NEK11: variants seen among roughly 807,000 people sequenced by gnomAD.
The protein encoded by NEK11 is NIMA related kinase 11.
Under a neutral mutation model 80.7 loss-of-function variants are expected in NEK11, and 72 were observed. The observed-to-expected ratio is 0.89, with a 90% confidence interval of 0.74 to 1.08. The LOEUF (loss-of-function observed/expected upper bound fraction) is 1.08, where lower values mean the gene tolerates loss of function less well. Among genes scored for constraint, NEK11 ranks in the 50% least tolerant of loss-of-function variants. NEK11 has a pLI of 0.00. For synonymous variants in NEK11, 251 were observed against 260.7 expected (o/e 0.96, Z 0.36); for missense variants, 764 against 763.6 (o/e 1.00, Z -0.01).
At chr3:131,249,191 T>C (rs2095657330) in intron 16 of NEK11, among the ~76,000 whole-genome samples, 1 of 152,032 alleles carries the variant, frequency 6.6e-6, no homozygotes. Flanking sequence ...GAGAAAGATA[T>C]AAAGCAGATA....
intron 14 of NEK11, among the ~76,000 whole-genome samples, chr3:131,207,532 G>A (rs1018908444): frequency 6.6e-6 from 1 of 152,116 alleles, no homozygotes; most frequent in Non-Finnish European, 1.5e-5. Flanking sequence ...GCAGTGAGCC[G>A]AGCCTGGGTG....
chr3:131,162,315 C>T, intron 10 of NEK11, 93 bp from the exon 11 acceptor site: 1 of 1,471,416 alleles, frequency 6.8e-7, no homozygotes, highest in Non-Finnish European at 9.2e-7. Context: ...CTTTTGCTCT[C>T]AGTAGTGTAG....
At chr3:131,232,344 G>A (rs1006868366) in intron 15 of NEK11, among the ~76,000 whole-genome samples, 26 of 152,328 alleles carry the variant, frequency 1.7e-4, no homozygotes, top group Non-Finnish European at 3.2e-4. Flanking sequence ...AGACTCTTCT[G>A]TCTTTCCTTT....
chr3:131,162,654 A>G (rs916464163), intron 11 of NEK11, 127 bp downstream of exon 11: 1 of 1,061,524 alleles, frequency 9.4e-7, no homozygotes, highest in African/African-American at 1.6e-5. Flanking sequence ...TTATGTGTTT[A>G]TTCATTCACT....
chr3:131,342,285 A>C (rs1359551265), intron 17 of NEK11, among the ~76,000 whole-genome samples: 2 of 152,208 alleles, frequency 1.3e-5, no homozygotes, highest in East Asian at 3.8e-4. Flanking sequence ...ATGTATCCTT[A>C]ATGAAGATTC....
intron 3 of NEK11, among the ~76,000 whole-genome samples, chr3:131,079,108 A>T (rs1453199233): frequency 6.6e-6 from 1 of 152,154 alleles, no homozygotes; most frequent in Admixed American, 6.6e-5. Context: ...CCTAGCAGAG[A>T]TAACTTTCAC....
At chr3:131,095,664 A>C (rs1470243278) in intron 4 of NEK11, among the ~76,000 whole-genome samples, 1 of 152,204 alleles carries the variant, frequency 6.6e-6, no homozygotes, top group African/African-American at 2.4e-5. Flanking sequence ...ATGGTTCAGC[A>C]ACACTTATTA....
intron 14 of NEK11, among the ~76,000 whole-genome samples, chr3:131,219,149 C>A (rs555499313): frequency 1.3e-3 from 204 of 152,180 alleles, no homozygotes; most frequent in Middle Eastern, 3.4e-3. Context: ...AACCCAAATG[C>A]CCAAAAATGA....
At chr3:131,162,719 A>G (rs1240939131) in intron 11 of NEK11, among the ~76,000 whole-genome samples, 192 bp downstream of exon 11, 1 of 152,254 alleles carries the variant, frequency 6.6e-6, no homozygotes, top group Admixed American at 6.5e-5. Flanking sequence ...TGCTATTAAT[A>G]TCAGGCTTTC....
intron 16 of NEK11, among the ~76,000 whole-genome samples, chr3:131,253,478 GA>G (rs1369477321): frequency 1.3e-5 from 2 of 152,164 alleles, no homozygotes; most frequent in Non-Finnish European, 2.9e-5. Context: ...CTATTTTACT[GA>G]GGGCAGATAC....
At chr3:131,342,499 T>C (rs1431176853) in intron 17 of NEK11, among the ~76,000 whole-genome samples, 3 of 151,754 alleles carry the variant, frequency 2.0e-5, no homozygotes, top group Admixed American at 1.3e-4. Context: ...TGATTATTTC[T>C]AAGAAATTAC....
At chr3:131,183,010 G>A (rs1007222360) in intron 14 of NEK11, among the ~76,000 whole-genome samples, 12 of 152,102 alleles carry the variant, frequency 7.9e-5, no homozygotes, top group Non-Finnish European at 1.8e-4. Context: ...TGAGCATATG[G>A]TGTCTAGTCA....
chr3:131,067,049 A>AATC (rs2072167636), intron 3 of NEK11, among the ~76,000 whole-genome samples: 1 of 152,136 alleles, frequency 6.6e-6, no homozygotes. Context: ...CTATTGCCAT[A>AATC]ATCATCACCA....
At chr3:131,112,349 C>G (rs2080269566) in intron 5 of NEK11, among the ~76,000 whole-genome samples, 1 of 152,010 alleles carries the variant, frequency 6.6e-6, no homozygotes. Context: ...TGCATGACTA[C>G]ATTTATATGA....
chr3:131,070,095 T>G (rs2072992072), intron 3 of NEK11, among the ~76,000 whole-genome samples: 1 of 152,186 alleles, frequency 6.6e-6, no homozygotes, highest in South Asian at 2.1e-4. Flanking sequence ...CTAACCAAAT[T>G]ATCTGTGGTA....
chr3:131,050,041 C>T (rs1203747280), intron 3 of NEK11, among the ~76,000 whole-genome samples: 3 of 152,216 alleles, frequency 2.0e-5, no homozygotes, highest in East Asian at 3.9e-4. Flanking sequence ...ACTACCCATG[C>T]CTTTGCAGTG....
At chr3:131,211,906 A>T (rs530156178) in intron 14 of NEK11, among the ~76,000 whole-genome samples, 7 of 152,172 alleles carry the variant, frequency 4.6e-5, no homozygotes, top group African/African-American at 1.7e-4. Context: ...CCTGGGTTCG[A>T]ACATCCTCCT....
chr3:131,339,390 G>A (rs1446911179), intron 17 of NEK11, among the ~76,000 whole-genome samples: 1 of 152,196 alleles, frequency 6.6e-6, no homozygotes, highest in Non-Finnish European at 1.5e-5. Flanking sequence ...CTGAGGCTCT[G>A]AAAAGTGAAA....
At chr3:131,231,771 A>G (rs1429279127) in intron 15 of NEK11, among the ~76,000 whole-genome samples, 1 of 151,936 alleles carries the variant, frequency 6.6e-6, no homozygotes, top group African/African-American at 2.4e-5. Flanking sequence ...ACCTGCTGCC[A>G]TCTCTCAGAT....
Sources: allele counts gnomAD v4.1 joint callset (sites outside exome capture counted in the v4.1 genomes callset), GRCh38; gene constraint gnomAD v4.1.1; transcripts MANE v1.5; gene names NCBI Gene and HGNC (gene_info 2026-07-23, HGNC 2026-07-21).